The following SOX6 variants were observed in gnomAD, a reference collection of about 807,000 sequenced individuals.
SOX6 encodes the protein transcription factor SOX-6.
Under a neutral mutation model 97.8 loss-of-function variants are expected in SOX6, and 11 were observed. The ratio of observed to expected loss-of-function variants is 0.11; its 90% confidence interval spans 0.07 to 0.19. The LOEUF is 0.19. Ranked by LOEUF, SOX6 falls within the 10% of genes least tolerant of loss-of-function variation. The pLI, the probability that SOX6 is intolerant of heterozygous loss-of-function variation, is 1.00. For missense variants in SOX6, 810 were observed against 1,039.5 expected, an observed-to-expected ratio of 0.78 and a Z score of 3.04; for synonymous variants, 360 against 371.4, an observed-to-expected ratio of 0.97 and a Z score of 0.35.
intron 3 of SOX6, among the ~76,000 whole-genome samples, chr11:16,624,463 A>G (rs1043872601): frequency 1.6e-4 from 24 of 152,146 alleles, no homozygotes; most frequent in Non-Finnish European, 3.1e-4. Flanking sequence ...GGCATGAGCC[A>G]CCGTGCCCGG....
intron 4 of SOX6, among the ~76,000 whole-genome samples, chr11:16,196,475 C>G (rs955425043): frequency 1.3e-5 from 2 of 152,112 alleles, no homozygotes; most frequent in Non-Finnish European, 2.9e-5. Flanking sequence ...ATAATATTTC[C>G]TAAATATACT....
chr11:16,495,709 C>A (rs1860583868), intron 4 of SOX6, among the ~76,000 whole-genome samples: 1 of 152,170 alleles, frequency 6.6e-6, no homozygotes, highest in South Asian at 2.1e-4. Context: ...ACCCAAAGAC[C>A]CTTCCACCCA....
At chr11:16,718,252 T>A (rs200884512) in intron 2 of SOX6, among the ~76,000 whole-genome samples, 32 of 143,440 alleles carry the variant, frequency 2.2e-4, no homozygotes, top group East Asian at 2.0e-3. Flanking sequence ...AACAACAATT[T>A]AAAAAAAAAA....
intron 4 of SOX6, among the ~76,000 whole-genome samples, chr11:16,507,792 T>C (rs1159567591): frequency 6.6e-6 from 1 of 152,070 alleles, no homozygotes; most frequent in Non-Finnish European, 1.5e-5. Flanking sequence ...ATAAAACTAC[T>C]AGGAGAAATA....
intron 4 of SOX6, among the ~76,000 whole-genome samples, chr11:16,566,381 T>TG (rs1253725180): frequency 3.3e-5 from 5 of 152,210 alleles, no homozygotes; most frequent in Non-Finnish European, 4.4e-5. Context: ...TCATAAGTCC[T>TG]GGGGGAGTTA....
chr11:16,683,281 AT>A (rs1847942811), intron 3 of SOX6, among the ~76,000 whole-genome samples: 1 of 152,218 alleles, frequency 6.6e-6, no homozygotes, highest in Non-Finnish European at 1.5e-5. Flanking sequence ...AGCCAAGAAA[AT>A]CCTAAGCAAA....
At chr11:16,522,947 T>C (rs1188063010) in intron 4 of SOX6, among the ~76,000 whole-genome samples, 1 of 152,200 alleles carries the variant, frequency 6.6e-6, no homozygotes, top group East Asian at 1.9e-4. Flanking sequence ...TAAATATACA[T>C]GCACCCAATA....
chr11:16,296,654 G>C (rs1855099647), intron 3 of SOX6, among the ~76,000 whole-genome samples: 1 of 152,084 alleles, frequency 6.6e-6, no homozygotes, highest in African/African-American at 2.4e-5. Flanking sequence ...AGAAGAAACG[G>C]CAAGTGGCAA....
intron 3 of SOX6, among the ~76,000 whole-genome samples, chr11:16,243,389 G>C (rs1455554076): frequency 6.6e-6 from 1 of 151,696 alleles, no homozygotes; most frequent in African/African-American, 2.4e-5. Flanking sequence ...ATACCACTTT[G>C]TGTTTTTCCA....
chr11:16,008,611 C>A (rs995941462), intron 13 of SOX6, among the ~76,000 whole-genome samples: 4 of 152,002 alleles, frequency 2.6e-5, no homozygotes, highest in Non-Finnish European at 5.9e-5. Context: ...ACTATCTTGC[C>A]CCATCAGGAC....
At chr11:16,037,133 T>C (rs1469379995) in intron 12 of SOX6, among the ~76,000 whole-genome samples, 1 of 152,216 alleles carries the variant, frequency 6.6e-6, no homozygotes, top group African/African-American at 2.4e-5. Context: ...TTTTCTTTAA[T>C]GTGCTCTTTT....
intron 9 of SOX6, among the ~76,000 whole-genome samples, chr11:16,082,286 T>C (rs1848489501): frequency 6.6e-6 from 1 of 152,144 alleles, no homozygotes; most frequent in Non-Finnish European, 1.5e-5. Flanking sequence ...GCAGGACAGA[T>C]GTTAAGAGGA....
chr11:16,696,507 C>G (rs1410814128), intron 3 of SOX6, among the ~76,000 whole-genome samples: 2 of 151,954 alleles, frequency 1.3e-5, no homozygotes, highest in Non-Finnish European at 2.9e-5. Flanking sequence ...TTCAATAAAG[C>G]GAATGTCACA....
intron 3 of SOX6, among the ~76,000 whole-genome samples, chr11:16,685,826 G>A (rs1847965082): frequency 1.3e-5 from 2 of 152,248 alleles, no homozygotes; most frequent in African/African-American, 4.8e-5. Flanking sequence ...CCTGCAGTAG[G>A]CTTCTGCCTG....
chr11:15,985,445 G>C (rs777062708), intron 15 of SOX6, among the ~76,000 whole-genome samples: 5 of 151,986 alleles, frequency 3.3e-5, no homozygotes, highest in Non-Finnish European at 7.4e-5. Context: ...TGGCCCTCTG[G>C]ATTTGCCACC....
intron 3 of SOX6, among the ~76,000 whole-genome samples, chr11:16,681,198 C>T (rs181527318): frequency 7.4e-4 from 112 of 152,238 alleles, no homozygotes; most frequent in African/African-American, 2.2e-3. Context: ...AAATTGACCA[C>T]GTAATTGGAA....
At chr11:16,496,699 G>A (rs1182932401) in intron 4 of SOX6, among the ~76,000 whole-genome samples, 9 of 152,180 alleles carry the variant, frequency 5.9e-5, no homozygotes, top group South Asian at 2.1e-4. Flanking sequence ...AGGGTCCTAC[G>A]CCCACAGAGC....
intron 3 of SOX6, among the ~76,000 whole-genome samples, chr11:16,627,212 C>T (rs1848634908): frequency 6.6e-6 from 1 of 152,076 alleles, no homozygotes; most frequent in Non-Finnish European, 1.5e-5. Context: ...TTTTCTTTAT[C>T]CAGTCCACCG....
At chr11:16,639,290 C>T (rs1040367175) in intron 3 of SOX6, among the ~76,000 whole-genome samples, 2 of 152,130 alleles carry the variant, frequency 1.3e-5, no homozygotes, top group Non-Finnish European at 2.9e-5. Context: ...GTTTTGGTAC[C>T]AGTACCATGA....
Sources: gnomAD v4.1 joint callset for allele counts (sites outside exome capture counted in the v4.1 genomes callset) on GRCh38, gnomAD v4.1.1 for gene constraint, MANE v1.5 for transcripts, NCBI Gene and HGNC (gene_info 2026-07-23, HGNC 2026-07-21) for gene names.